Variants in ZC3H12B observed in about 807,000 individuals in gnomAD.
ZC3H12B encodes the protein probable ribonuclease ZC3H12B.
A neutral mutation model predicts 43.9 loss-of-function variants in ZC3H12B; 7 were observed. That is an observed-to-expected ratio of 0.16 (90% CI 0.09 to 0.30). The LOEUF is 0.30. ZC3H12B is among the 10% of genes least tolerant of loss of function. The pLI, the probability that ZC3H12B is intolerant of heterozygous loss-of-function variation, is 1.00. For synonymous variants in ZC3H12B, 222 were observed against 241.7 expected (o/e 0.92, Z 0.76); for missense variants, 475 against 670.2 (o/e 0.71, Z 3.22).
At chrX:65,161,507 C>T in the ZC3H12B span, among the ~76,000 whole-genome samples, 4 of 111,670 alleles carry the variant, frequency 3.6e-5, no homozygotes, top group African/African-American at 1.3e-4. Context: ...ATCCCTTTAC[C>T]ATTATGTAAT....
At chrX:65,324,467 T>C in the ZC3H12B span, among the ~76,000 whole-genome samples, 24 of 111,879 alleles carry the variant, frequency 2.1e-4, no homozygotes, top group African/African-American at 7.8e-4. Flanking sequence ...CTTAGAATTG[T>C]TGTTGCTGCA....
chrX:65,343,193 T>A, the ZC3H12B span, among the ~76,000 whole-genome samples: 177 of 109,945 alleles, frequency 1.6e-3, no homozygotes, highest in Middle Eastern at 0.023. Context: ...AAACAAATTT[T>A]AAAAAAAATA....
chrX:65,294,618 T>A, the ZC3H12B span, among the ~76,000 whole-genome samples: 1 of 111,220 alleles, frequency 9.0e-6, no homozygotes, highest in African/African-American at 3.3e-5. Context: ...ACCTAACACA[T>A]AAGGACTCAC....
the ZC3H12B span, among the ~76,000 whole-genome samples, chrX:65,159,015 T>A: frequency 8.9e-6 from 1 of 111,961 alleles, no homozygotes; most frequent in Non-Finnish European, 1.9e-5. Flanking sequence ...CCCAGCACCA[T>A]TTATTAAATA....
the ZC3H12B span, among the ~76,000 whole-genome samples, chrX:65,213,223 G>T: frequency 4.5e-5 from 5 of 109,913 alleles, no homozygotes; most frequent in East Asian, 1.4e-3. Context: ...GTGCCCACGA[G>T]TATACCAAGT....
At chrX:65,158,595 C>T in the ZC3H12B span, among the ~76,000 whole-genome samples, 1 of 111,685 alleles carries the variant, frequency 9.0e-6, no homozygotes, top group Non-Finnish European at 1.9e-5. Context: ...TGTTCGTGTC[C>T]TTCACCCACT....
At chrX:65,204,918 T>C in the ZC3H12B span, among the ~76,000 whole-genome samples, 1 of 112,163 alleles carries the variant, frequency 8.9e-6, no homozygotes, top group African/African-American at 3.2e-5. Context: ...ATATGAAAGC[T>C]TTGGGAAGGA....
chrX:65,343,487 G>A, the ZC3H12B span, among the ~76,000 whole-genome samples: 1 of 111,618 alleles, frequency 9.0e-6, no homozygotes, highest in Admixed American at 9.5e-5. Flanking sequence ...ACACCATCAG[G>A]AAAGCCTTAT....
intron 3 of ZC3H12B, among the ~76,000 whole-genome samples, chrX:65,474,448 GA>G (rs1432860188): frequency 9.0e-6 from 1 of 110,588 alleles, no homozygotes; most frequent in South Asian, 3.8e-4. Flanking sequence ...CTATAATAAA[GA>G]AAAAAATCTA....
the ZC3H12B span, among the ~76,000 whole-genome samples, chrX:65,137,308 A>C: frequency 8.9e-6 from 1 of 112,171 alleles, no homozygotes; most frequent in Non-Finnish European, 1.9e-5. Context: ...AGCAATATTT[A>C]AGCTTTGTGA....
chrX:65,081,473 C>G, the ZC3H12B span, among the ~76,000 whole-genome samples: 4 of 111,171 alleles, frequency 3.6e-5, no homozygotes, highest in Admixed American at 1.9e-4. Context: ...CAAAAAAGAG[C>G]AAGAATAGCT....
the ZC3H12B span, among the ~76,000 whole-genome samples, chrX:65,162,373 G>A: frequency 8.9e-6 from 1 of 111,915 alleles, no homozygotes; most frequent in African/African-American, 3.2e-5. Context: ...TTCCAACTTC[G>A]TTCCGTTCTC....
chrX:65,238,629 C>T, the ZC3H12B span, among the ~76,000 whole-genome samples: 2 of 111,277 alleles, frequency 1.8e-5, no homozygotes, highest in Non-Finnish European at 3.8e-5. Flanking sequence ...CTTCTGCTAC[C>T]TTTGGGGTTT....
At chrX:65,389,085 G>A (rs903614963) in intron 2 of ZC3H12B, among the ~76,000 whole-genome samples, 1 of 112,337 alleles carries the variant, frequency 8.9e-6, no homozygotes, top group Admixed American at 9.4e-5. Flanking sequence ...TTGGGGTTCA[G>A]GGACCAATTT....
chrX:65,041,506 G>T, the ZC3H12B span, among the ~76,000 whole-genome samples: 2 of 111,835 alleles, frequency 1.8e-5, no homozygotes, highest in East Asian at 5.6e-4. Context: ...AACTGTATTG[G>T]GCTGTTTACA....
chrX:65,171,381 C>T, the ZC3H12B span, among the ~76,000 whole-genome samples: 48 of 110,900 alleles, frequency 4.3e-4, no homozygotes, highest in Non-Finnish European at 7.2e-4. Context: ...GCAAATAGTG[C>T]TGCCTGATCC....
chrX:65,090,189 G>A, the ZC3H12B span, among the ~76,000 whole-genome samples: 1 of 112,145 alleles, frequency 8.9e-6, no homozygotes, highest in African/African-American at 3.2e-5. Flanking sequence ...ACAAACATGT[G>A]AGTAATGCCT....
intron 3 of ZC3H12B, among the ~76,000 whole-genome samples, chrX:65,428,159 G>T (rs990112758): frequency 8.9e-5 from 10 of 111,854 alleles, no homozygotes; most frequent in South Asian, 7.6e-4. Flanking sequence ...CCCTTTGTAG[G>T]TGGCCTGGCC....
the ZC3H12B span, among the ~76,000 whole-genome samples, chrX:65,124,729 C>A: frequency 9.0e-6 from 1 of 110,632 alleles, no homozygotes; most frequent in African/African-American, 3.3e-5. Flanking sequence ...TGTGTATTTT[C>A]AGAAATTTAT....
Sources: gnomAD v4.1 joint callset for allele counts (sites outside exome capture counted in the v4.1 genomes callset) on GRCh38, gnomAD v4.1.1 for gene constraint, MANE v1.5 for transcripts, NCBI Gene and HGNC (gene_info 2026-07-23, HGNC 2026-07-21) for gene names.